The following ASIP variants were observed in gnomAD, a reference collection of about 807,000 sequenced individuals.
ASIP encodes agouti signaling protein.
ASIP carries 11 observed loss-of-function variants against 10.3 expected under a neutral mutation model. That is an observed-to-expected ratio of 1.07 (90% CI 0.68 to 1.78). The LOEUF (loss-of-function observed/expected upper bound fraction) is 1.78, where lower values mean the gene tolerates loss of function less well. Ranked by LOEUF, ASIP falls within the 40% of genes most tolerant of loss-of-function variation. The pLI is 0.00. For missense variants in ASIP, 180 were observed against 169.2 expected, an observed-to-expected ratio of 1.06 and a Z score of -0.35; for synonymous variants, 70 against 70.8, an observed-to-expected ratio of 0.99 and a Z score of 0.06.
intron 1 of ASIP, among the ~76,000 whole-genome samples, chr20:34,201,653 C>T (rs751938760): frequency 7.2e-5 from 11 of 152,154 alleles, no homozygotes; most frequent in Non-Finnish European, 1.2e-4. Context: ...GAGCCATATA[C>T]CTGGAGGGAA....
the ASIP span, among the ~76,000 whole-genome samples, chr20:34,187,842 G>C: frequency 2.0e-5 from 3 of 152,206 alleles, no homozygotes; most frequent in East Asian, 5.8e-4. Context: ...AATGGGGCAG[G>C]ACCATTACAA....
chr20:34,245,318 T>A (rs1280800517), intron 1 of ASIP, among the ~76,000 whole-genome samples: 1 of 134,832 alleles, frequency 7.4e-6, no homozygotes, highest in Non-Finnish European at 1.6e-5. Flanking sequence ...TGGGCGACAG[T>A]GTGAGACTCT....
Position 34,217,713 on chromosome 20 carries a change from C to T in ASIP, c.-11+22953C>T, listed in dbSNP as rs1270894341. On this transcript the variant is annotated intron_variant, in intron 1 of 3. Coordinates refer to the ASIP transcript ENST00000568305. ...AGTAGCTGGGACTGCAGGCGCCCAC[C>T]ACCACGCCCGGCTAATTTTTTTGTA... Among the ~76,000 whole-genome samples, 5 of 152,164 alleles carry T rather than the reference C, an allele frequency of 3.3e-5. No homozygotes were observed. The South Asian group carries it at 8.3e-4, about 25-fold the overall frequency.
rs576363107 is a variant in ASIP, at chr20:34,214,967, G to A, written c.-11+20207G>A. ...TTACTCCAACTAACTATCCATGACT[G>A]TCCCATTCCGTTTACCGGCTTAGAA... On this transcript the variant is annotated intron_variant, in intron 1 of 3. Transcript: ENST00000568305. The A allele has an allele frequency of 1.4e-5, 19 of 1,386,450 alleles. No homozygotes were observed. The African/African-American group carries it at 2.3e-4, about 17-fold the overall frequency. The allele number at this position is 1,386,450 out of a possible 1,614,324, so 85.9% of individuals were successfully genotyped here. A position where few individuals can be genotyped will look rare whatever the true frequency, so the allele number is the denominator to read the frequency against.
chr20:34,217,353 G>A (rs2122557586), intron 1 of ASIP, among the ~76,000 whole-genome samples: 1 of 151,406 alleles, frequency 6.6e-6, no homozygotes, highest in East Asian at 2.0e-4. Flanking sequence ...CAGGAGAATC[G>A]CTTGAACCTG....
chr20:34,232,204 T>G lies in ASIP; in HGVS notation c.-10-28161T>G, dbSNP rs985238985. Among the ~76,000 whole-genome samples, 3 of 152,200 alleles carry G rather than the reference T, an allele frequency of 2.0e-5. No individual in the cohort carries two copies. In the South Asian group the frequency reaches 6.2e-4, roughly 32 times the overall value. On this transcript the variant is annotated intron_variant, in intron 1 of 3. Transcript: ENST00000568305. ...CTTTTTAACCCAGGGAGATATTACT[T>G]CACAGCTCAAAGTTGCTTGCTGCAA...
chr20:34,226,137 G>T (rs1483305323), intron 1 of ASIP, among the ~76,000 whole-genome samples: 2 of 151,964 alleles, frequency 1.3e-5, no homozygotes, highest in Non-Finnish European at 2.9e-5. Flanking sequence ...CAGGTAAGGA[G>T]GTCACCCACC....
intron 1 of ASIP, among the ~76,000 whole-genome samples, chr20:34,248,886 A>AC (rs2035425395): frequency 6.6e-6 from 1 of 151,958 alleles, no homozygotes; most frequent in African/African-American, 2.4e-5. Context: ...CAGCAATTCA[A>AC]CGTTCGAAGA....
chr20:34,225,703 C>T (rs2035088139), intron 1 of ASIP, among the ~76,000 whole-genome samples: 1 of 152,082 alleles, frequency 6.6e-6, no homozygotes, highest in Admixed American at 6.5e-5. Flanking sequence ...TTTCTCATGT[C>T]TCTCAGTAGA....
chr20:34,243,868 TC>T (rs2035324618), intron 1 of ASIP, among the ~76,000 whole-genome samples: 2 of 151,552 alleles, frequency 1.3e-5, no homozygotes, highest in African/African-American at 4.9e-5. Flanking sequence ...ATCGAGACCA[TC>T]CTGGCTAACA....
At chr20:34,225,698 C>G (rs193096598) in intron 1 of ASIP, among the ~76,000 whole-genome samples, 54 of 152,152 alleles carry the variant, frequency 3.5e-4, no homozygotes, top group Non-Finnish European at 1.8e-4. Context: ...TGTTTTTTCT[C>G]ATGTCTCTCA....
intron 1 of ASIP, among the ~76,000 whole-genome samples, chr20:34,197,938 C>A (rs2034869049): frequency 1.3e-5 from 2 of 152,162 alleles, no homozygotes; most frequent in Admixed American, 1.3e-4. Context: ...ACCTCCTCTA[C>A]TAGCAAGAAT....
upstream of ASIP, among the ~76,000 whole-genome samples, chr20:34,241,018 C>T (rs1238672957): frequency 3.3e-5 from 5 of 152,164 alleles, no homozygotes; most frequent in East Asian, 5.8e-4. Flanking sequence ...CAGAGCAACA[C>T]GCCTTGCCTC....
At position 34,260,392 on chromosome 20, in the gene ASIP, A is replaced by G; in HGVS notation, c.18A>G (p.Leu6=). The stretch of plus-strand genomic sequence containing the variant: ...CTCCTGGGATGGATGTCACCCGCTT[A>G]CTCCTGGCCACCCTGCTGGTCTTCC... The part of the protein sequence containing the change: MDVTR[L]LLATLLVFLC... Residue 6 remains leucine (L), a synonymous_variant, in exon 2 of 4, where the codon TTA becomes TTG. Transcript: ENST00000374954. 6.2e-7 allele frequency: 1 copy of G among 1,613,252 alleles called. No homozygotes were observed. Among genetic ancestry groups the G allele is most frequent in the East Asian group, 2.2e-5 (1 of 44,868 alleles).
chr20:34,248,177 G>A (rs1419408719), intron 1 of ASIP, among the ~76,000 whole-genome samples: 1 of 151,942 alleles, frequency 6.6e-6, no homozygotes, highest in Non-Finnish European at 1.5e-5. Flanking sequence ...CTGCACTCCA[G>A]CCTGGTGACA....
intron 1 of ASIP, among the ~76,000 whole-genome samples, chr20:34,259,420 C>T (rs770238984): frequency 3.8e-4 from 57 of 150,152 alleles, no homozygotes; most frequent in Non-Finnish European, 5.9e-4. Context: ...GGCTGAGGCA[C>T]GAGAATCTCT....
intron 1 of ASIP, chr20:34,245,962 T>TA (rs2035368205): frequency 6.7e-7 from 1 of 1,488,564 alleles, no homozygotes; most frequent in Admixed American, 1.7e-5. Flanking sequence ...TTCACTTCTT[T>TA]ACTTCTCCAA....
intron 1 of ASIP, among the ~76,000 whole-genome samples, chr20:34,202,421 T>C (rs2034905720): frequency 6.6e-6 from 1 of 152,216 alleles, no homozygotes; most frequent in Non-Finnish European, 1.5e-5. Flanking sequence ...ATGAAATGAA[T>C]TTTAAATTTT....
chr20:34,187,920 A>G, the ASIP span, among the ~76,000 whole-genome samples: 1 of 152,234 alleles, frequency 6.6e-6, no homozygotes, highest in Non-Finnish European at 1.5e-5. Flanking sequence ...ACTATTATTC[A>G]TATAGTTCAG....
Sources: gnomAD v4.1 joint callset for allele counts (sites outside exome capture counted in the v4.1 genomes callset) on GRCh38, gnomAD v4.1.1 for gene constraint, MANE v1.5 for transcripts, NCBI Gene and HGNC (gene_info 2026-07-23, HGNC 2026-07-21) for gene names.